Variants in TMEM131L observed in about 807,000 individuals in gnomAD.
The protein encoded by TMEM131L is transmembrane 131 like.
TMEM131L carries 54 observed loss-of-function variants against 192.2 expected under a neutral mutation model. The observed-to-expected ratio is 0.28, with a 90% CI of 0.23 to 0.35. TMEM131L has a LOEUF of 0.35. Among genes scored for constraint, TMEM131L ranks in the 10% least tolerant of loss-of-function variants. The pLI, the probability that TMEM131L is intolerant of heterozygous loss-of-function variation, is 1.00. For missense variants in TMEM131L, 1,888 were observed against 1,972.9 expected (o/e 0.96, Z 0.82); for synonymous variants, 701 against 704.9 (o/e 0.99, Z 0.09).
chr4:153,509,182 TAA>T (rs1287154086), intron 3 of TMEM131L, among the ~76,000 whole-genome samples: 4 of 145,630 alleles, frequency 2.7e-5, no homozygotes, highest in Admixed American at 2.7e-4. Context: ...CTGTCTCTAC[TAA>T]AAACAACAAC....
chr4:153,532,801 T>TG (rs1302312907), intron 3 of TMEM131L, among the ~76,000 whole-genome samples: 1 of 152,122 alleles, frequency 6.6e-6, no homozygotes, highest in East Asian at 1.9e-4. Context: ...CACAATCTCA[T>TG]GAATTATGTT....
In TMEM131L at chr4:153,622,918, G is replaced by A. The variant is rs991271476; in HGVS notation, c.3880G>A (p.Glu1294Lys). ...REAEGYYQKP[E>K]KKCVDKFCSD... Reference sequence around the variant, plus strand: ...TCCAGAAGGTTACTACCAGAAGCCTGAGAAGAAATGTGTGGACAAGTTCTG... The same window carrying A: ...TCCAGAAGGTTACTACCAGAAGCCTAAGAAGAAATGTGTGGACAAGTTCTG... The change falls in exon 29 of 35, where the codon GAG (glutamate) becomes AAG (lysine). Residue 1294 changes from glutamate (E) to lysine (K), a missense_variant. Glu to Lys is a moderately conservative substitution (Grantham distance 56, BLOSUM62 1). Transcript: ENST00000409959. The A allele has an allele frequency of 6.2e-7, 1 of 1,614,214 alleles. No individual in the cohort carries two copies. Among genetic ancestry groups the A allele is most frequent in the South Asian group, 1.1e-5 (1 of 91,076 alleles).
At chr4:153,528,641 A>G (rs958238234) in intron 3 of TMEM131L, among the ~76,000 whole-genome samples, 8 of 152,148 alleles carry the variant, frequency 5.3e-5, no homozygotes, top group African/African-American at 1.9e-4. Flanking sequence ...CTGGTCTCTT[A>G]TAGGTTCTCT....
chr4:153,547,137 T>C lies in TMEM131L; in HGVS notation c.240-2936T>C, dbSNP rs142128394. 7.7e-3 allele frequency among the ~76,000 whole-genome samples: 1,170 copies of C among 152,298 alleles called. 13 individuals carry two copies. Among genetic ancestry groups the C allele is most frequent in the African/African-American group, 0.026 (1,099 of 41,558 alleles). On this transcript the variant is annotated intron_variant, in intron 3 of 34. Coordinates refer to ENST00000409959, the MANE Select transcript of TMEM131L (RefSeq NM_001131007.2). Reference sequence around the variant, plus strand: ...AGAAAAATAACTTATTTTATGACTCTTAGAGAAAAAAAAATTGGCATGGTT... The same window carrying C: ...AGAAAAATAACTTATTTTATGACTCCTAGAGAAAAAAAAATTGGCATGGTT...
At chr4:153,546,571 G>C (rs1312546212) in intron 3 of TMEM131L, among the ~76,000 whole-genome samples, 1 of 152,150 alleles carries the variant, frequency 6.6e-6, no homozygotes, top group Non-Finnish European at 1.5e-5. Context: ...GAGGATAATT[G>C]TTCATGTCTG....
At chr4:153,515,211 T>C (rs1190076598) in intron 3 of TMEM131L, among the ~76,000 whole-genome samples, 3 of 152,238 alleles carry the variant, frequency 2.0e-5, no homozygotes, top group African/African-American at 7.2e-5. Flanking sequence ...CATCAACTTA[T>C]TAGAAAACAC....
intron 7 of TMEM131L, among the ~76,000 whole-genome samples, chr4:153,576,826 TTCTTGCCCTTTTCAAGCTTC>T (rs374964615): frequency 5.3e-5 from 8 of 152,206 alleles, no homozygotes; most frequent in South Asian, 2.1e-4. Flanking sequence ...TATTTTCTGT[TTCTTGCCCTTTTCAAGCTTC>T]TCTTGCCCTT....
At chr4:153,614,294 T>G (rs1309742052) in intron 26 of TMEM131L, among the ~76,000 whole-genome samples, 1 of 152,140 alleles carries the variant, frequency 6.6e-6, no homozygotes, top group Admixed American at 6.5e-5. Context: ...CTTCCCTAGG[T>G]CTTGATGGGA....
chr4:153,576,296 A>C (rs1729936586), intron 7 of TMEM131L, among the ~76,000 whole-genome samples: 1 of 152,158 alleles, frequency 6.6e-6, no homozygotes, highest in Non-Finnish European at 1.5e-5. Flanking sequence ...TATGGACTTG[A>C]AACTTTTTCT....
intron 20 of TMEM131L, among the ~76,000 whole-genome samples, chr4:153,598,333 G>T (rs1434797868): frequency 6.6e-6 from 1 of 152,056 alleles, no homozygotes; most frequent in Non-Finnish European, 1.5e-5. Context: ...GTGGTTGGAA[G>T]GGGGTCATCA....
chr4:153,486,462 A>G (rs1732337648), intron 3 of TMEM131L, among the ~76,000 whole-genome samples: 2 of 152,224 alleles, frequency 1.3e-5, no homozygotes, highest in African/African-American at 4.8e-5. Context: ...AGCTCAAACA[A>G]TAAAGAATGC....
At chr4:153,558,547 G>C (rs1218325938) in intron 7 of TMEM131L, 179 bp downstream of exon 7, 4 of 417,172 alleles carry the variant, frequency 9.6e-6, no homozygotes, top group East Asian at 6.8e-5. Context: ...TCACAGTGTT[G>C]ATATTCCAGA....
At chr4:153,603,195 T>A (rs1341979857) in intron 23 of TMEM131L, 108 bp from the exon 24 acceptor site, 1 of 897,108 alleles carries the variant, frequency 1.1e-6, no homozygotes, top group Non-Finnish European at 1.6e-6. Context: ...TAATACTGCA[T>A]CTTCAGATGT....
intron 13 of TMEM131L, 45 bp from the exon 14 acceptor site, chr4:153,586,164 A>C (rs371140621): frequency 6.7e-6 from 9 of 1,345,068 alleles, no homozygotes; most frequent in Non-Finnish European, 9.1e-6. Context: ...TTTAATCATA[A>C]TTAGTGTTAG....
chr4:153,534,013 GT>G (rs1736120597), intron 3 of TMEM131L, among the ~76,000 whole-genome samples: 2 of 152,168 alleles, frequency 1.3e-5, no homozygotes, highest in South Asian at 4.1e-4. Context: ...TTTGGGAAAC[GT>G]TTTTTATGAT....
At chr4:153,531,193 G>A (rs535606334) in intron 3 of TMEM131L, among the ~76,000 whole-genome samples, 28 of 152,294 alleles carry the variant, frequency 1.8e-4, no homozygotes, top group African/African-American at 6.7e-4. Context: ...GTCTGAGAGA[G>A]CTATTCCTCA....
At chr4:153,572,512 G>A (rs979113858) in intron 7 of TMEM131L, among the ~76,000 whole-genome samples, 3 of 151,916 alleles carry the variant, frequency 2.0e-5, no homozygotes, top group Non-Finnish European at 4.4e-5. Context: ...TGTAATTTTA[G>A]TAGAGATGGG....
chr4:153,539,357 G>A (rs1178132783), intron 3 of TMEM131L, among the ~76,000 whole-genome samples: 1 of 152,180 alleles, frequency 6.6e-6, no homozygotes, highest in East Asian at 1.9e-4. Flanking sequence ...TTATATAAGT[G>A]AGCTTGGTGA....
chr4:153,590,893 C>T (rs369670352), intron 16 of TMEM131L, among the ~76,000 whole-genome samples, 160 bp from the exon 17 acceptor site: 2 of 152,168 alleles, frequency 1.3e-5, no homozygotes, highest in African/African-American at 4.8e-5. Context: ...CAATCTTGTA[C>T]TTTCCCATCC....
Sources: gnomAD v4.1 joint callset for allele counts (sites outside exome capture counted in the v4.1 genomes callset) on GRCh38, gnomAD v4.1.1 for gene constraint, MANE v1.5 for transcripts, NCBI Gene and HGNC (gene_info 2026-07-23, HGNC 2026-07-21) for gene names.